Variants in FHL2 observed in about 807,000 individuals in gnomAD.
FHL2 encodes the protein four and a half LIM domains protein 2.
A neutral mutation model predicts 32.7 loss-of-function variants in FHL2; 20 were observed. That is an observed-to-expected ratio of 0.61 (90% CI 0.43 to 0.89). FHL2 has a LOEUF of 0.89. FHL2 is among the 40% of genes least tolerant of loss of function. The pLI is 0.00. For missense variants in FHL2, 311 were observed against 358.6 expected, an observed-to-expected ratio of 0.87 and a Z score of 1.07; for synonymous variants, 123 against 128.1, an observed-to-expected ratio of 0.96 and a Z score of 0.27.
chr2:105,420,608 C>T (rs879429374), intron 1 of FHL2, among the ~76,000 whole-genome samples: 1 of 152,008 alleles, frequency 6.6e-6, no homozygotes, highest in East Asian at 1.9e-4. Context: ...AGAGGGATGG[C>T]GAGGAGGAAC....
At chr2:105,429,571 T>G (rs1684366212) in intron 1 of FHL2, among the ~76,000 whole-genome samples, 1 of 152,154 alleles carries the variant, frequency 6.6e-6, no homozygotes, top group African/African-American at 2.4e-5. Flanking sequence ...GGGGAAACAT[T>G]CCTTCTCTAG....
upstream of FHL2, among the ~76,000 whole-genome samples, chr2:105,402,256 T>C (rs1683498967): frequency 6.6e-6 from 1 of 151,336 alleles, no homozygotes; most frequent in Non-Finnish European, 1.5e-5. Context: ...TGTATATATA[T>C]ATGTATTTGA....
intron 5 of FHL2, 51 bp downstream of exon 5, chr2:105,367,519 T>G (rs374958981): frequency 2.6e-6 from 4 of 1,551,842 alleles, no homozygotes; most frequent in South Asian, 1.2e-5. Flanking sequence ...ACATGGACCA[T>G]GGAGGCAAAC....
At chr2:105,411,409 C>T (rs1683784191) in intron 1 of FHL2, among the ~76,000 whole-genome samples, 1 of 151,728 alleles carries the variant, frequency 6.6e-6, no homozygotes, top group Non-Finnish European at 1.5e-5. Context: ...TTTTTTTTCT[C>T]ATTCTTTTTC....
intron 1 of FHL2, among the ~76,000 whole-genome samples, chr2:105,422,420 G>T (rs1001520079): frequency 2.6e-5 from 4 of 152,106 alleles, no homozygotes; most frequent in Admixed American, 6.5e-5. Context: ...TACTTAGGAA[G>T]CAAAACTGTG....
At chr2:105,417,787 C>T (rs1283363743) in intron 1 of FHL2, among the ~76,000 whole-genome samples, 1 of 151,448 alleles carries the variant, frequency 6.6e-6, no homozygotes, top group African/African-American at 2.4e-5. Context: ...GTTGTTTTGT[C>T]AAGGTCATTC....
intron 1 of FHL2, among the ~76,000 whole-genome samples, chr2:105,424,254 C>A (rs186035006): frequency 6.6e-6 from 1 of 152,210 alleles, no homozygotes; most frequent in Non-Finnish European, 1.5e-5. Flanking sequence ...GACATTTATG[C>A]AGCCAACAGA....
At chr2:105,380,233 G>C (rs1003094456) in intron 3 of FHL2, among the ~76,000 whole-genome samples, 3 of 152,216 alleles carry the variant, frequency 2.0e-5, no homozygotes, top group African/African-American at 7.2e-5. Flanking sequence ...CTTAGAGGTA[G>C]ACTAGAAAAT....
At chr2:105,389,044 C>T (rs1039738596) in intron 2 of FHL2, among the ~76,000 whole-genome samples, 3 of 152,182 alleles carry the variant, frequency 2.0e-5, no homozygotes, top group African/African-American at 7.2e-5. Context: ...CAACTGTAAG[C>T]AAGGAAAAGA....
At chr2:105,384,303 A>G (rs932706077) in intron 3 of FHL2, among the ~76,000 whole-genome samples, 5 of 152,198 alleles carry the variant, frequency 3.3e-5, no homozygotes, top group African/African-American at 1.2e-4. Context: ...TGTTTCCAAA[A>G]TGAAAAGCGA....
upstream of FHL2, among the ~76,000 whole-genome samples, chr2:105,401,345 G>A (rs1229662961): frequency 2.8e-4 from 42 of 152,100 alleles, no homozygotes; most frequent in Non-Finnish European, 4.4e-5. Context: ...AAATGGATAG[G>A]GCCTATATAT....
At chr2:105,388,231 A>G (rs1489738427) in intron 2 of FHL2, among the ~76,000 whole-genome samples, 1 of 152,176 alleles carries the variant, frequency 6.6e-6, no homozygotes, top group Non-Finnish European at 1.5e-5. Flanking sequence ...CCTGTATAAC[A>G]AACCTGCACA....
upstream of FHL2, among the ~76,000 whole-genome samples, chr2:105,402,211 GTATATATATGTGTGTA>G (rs1055626078): frequency 1.4e-5 from 2 of 147,960 alleles, no homozygotes; most frequent in African/African-American, 5.1e-5. Context: ...GTGTATATAT[GTATATATATGTGTGTA>G]TATATATATG....
intron 2 of FHL2, among the ~76,000 whole-genome samples, chr2:105,394,642 G>A (rs944864183): frequency 2.6e-5 from 4 of 151,934 alleles, no homozygotes; most frequent in Non-Finnish European, 2.9e-5. Context: ...AAGAAAAAAA[G>A]TATCTAGCAT....
At chr2:105,397,809 T>C (rs184611386) in intron 1 of FHL2, among the ~76,000 whole-genome samples, 21 of 152,340 alleles carry the variant, frequency 1.4e-4, no homozygotes, top group Admixed American at 2.6e-4. Flanking sequence ...AGTTTGGTTT[T>C]ATTAAAGTTT....
At position 105,414,427 on chromosome 2, in the gene FHL2, G is replaced by A. The variant is rs893751331; in HGVS notation, c.-25+23972C>T. On this transcript the variant is annotated intron_variant, in intron 1 of 5. Transcript: ENST00000393352. ...AGTCCCAACCCTCTAGTCATGCCTTGTTCTTTCCAGTGACCAACCCCCATC... is the reference window on the plus strand; with the variant it reads ...AGTCCCAACCCTCTAGTCATGCCTTATTCTTTCCAGTGACCAACCCCCATC... Among the ~76,000 whole-genome samples the A allele has an allele frequency of 2.1e-4, 32 of 152,142 alleles. 1 individual carries two copies. Among genetic ancestry groups the A allele is most frequent in the Admixed American group, 6.5e-5 (1 of 15,284 alleles).
rs981476176 is a variant in FHL2 at position 105,364,327 on chromosome 2, T to C, written c.502-856A>G. 1.3e-5 allele frequency among the ~76,000 whole-genome samples: 2 copies of C among 152,096 alleles called. 1 individual carries two copies. Among genetic ancestry groups the C allele is most frequent in the South Asian group, 4.1e-4 (2 of 4,820 alleles). ...CTCTCCAATGCCACTCACGAGCCTG[T>C]CTCTCCAGCCACTTACGGTGAAAGA... On this transcript the variant is annotated intron_variant, in intron 5 of 6. Coordinates refer to ENST00000530340, the MANE Select transcript of FHL2 (RefSeq NM_001318895.3).
At position 105,433,626 on chromosome 2, in the gene FHL2, C is replaced by T. The variant is rs533626149; in HGVS notation, c.-25+4773G>A. ...TGTGCCCCTTTGCCTCTCAGTGCCT[C>T]GGCGTCCTCACCTGTAAACAAGGAA... On this transcript the variant is annotated intron_variant, in intron 1 of 5. Transcript: ENST00000393352. Among the ~76,000 whole-genome samples, 40 of 152,196 alleles carry T rather than the reference C, an allele frequency of 2.6e-4. No homozygotes were observed. In the South Asian group the frequency reaches 4.4e-3, roughly 17 times the overall value.
chr2:105,438,461 G>T (rs1684679695), exon 1 of FHL2: 2 of 985,516 alleles, frequency 2.0e-6, no homozygotes, highest in Non-Finnish European at 2.4e-6. Flanking sequence ...CTGCTGTGCA[G>T]GCGGACTGCC....
Sources: allele counts gnomAD v4.1 joint callset (sites outside exome capture counted in the v4.1 genomes callset), GRCh38; gene constraint gnomAD v4.1.1; transcripts MANE v1.5; gene names NCBI Gene and HGNC (gene_info 2026-07-23, HGNC 2026-07-21).